The following TMA16 variants were observed in gnomAD, a reference collection of about 807,000 sequenced individuals.
The protein encoded by TMA16 is translation machinery-associated protein 16.
In TMA16, 26 loss-of-function variants were observed where a neutral mutation model predicts 27.1. That is an observed-to-expected ratio of 0.96 (90% confidence interval 0.70 to 1.33). TMA16 has a LOEUF of 1.33. Among genes scored for constraint, TMA16 ranks in the 40% most tolerant of loss-of-function variants. The pLI is 0.00. For synonymous variants in TMA16, 71 were observed against 81.9 expected, an observed-to-expected ratio of 0.87 and a Z score of 0.72; for missense variants, 233 against 241.4, an observed-to-expected ratio of 0.97 and a Z score of 0.23.
At chr4:163,514,667 A>G (rs2110810643) in intron 4 of TMA16, among the ~76,000 whole-genome samples, 1 of 152,296 alleles carries the variant, frequency 6.6e-6, no homozygotes, top group East Asian at 1.9e-4. Context: ...TTTTACAGCA[A>G]GCAACTGAAA....
intron 1 of TMA16, among the ~76,000 whole-genome samples, chr4:163,498,742 C>T (rs1394545474): frequency 6.6e-6 from 1 of 152,170 alleles, no homozygotes; most frequent in Non-Finnish European, 1.5e-5. Context: ...ATAGCTAGCT[C>T]GCTGCAGCCT....
Position 163,519,797 on chromosome 4 carries a change from A to AT in TMA16, c.*284dup, listed in dbSNP as rs1737942305. The stretch of plus-strand genomic sequence containing the variant: ...GGAGCAATATAACTAAGGACAAAAA[A>AT]TGTTTTGTTTTTCTTGTGTATTTAT... On this transcript the variant is annotated 3_prime_UTR_variant, in exon 7 of 7. Transcript: ENST00000358572. 1 of 496,394 alleles carries AT rather than the reference A, an allele frequency of 2.0e-6. No individual in the cohort carries two copies. Among genetic ancestry groups the AT allele is most frequent in the East Asian group, 3.7e-5 (1 of 27,168 alleles). The allele number at this position is 496,394 out of a possible 1,614,324, so 30.7% of individuals were successfully genotyped here. A position where few individuals can be genotyped will look rare whatever the true frequency, so the allele number is the denominator to read the frequency against.
chr4:163,499,131 T>G (rs995630356), intron 1 of TMA16, among the ~76,000 whole-genome samples: 1 of 152,226 alleles, frequency 6.6e-6, no homozygotes, highest in African/African-American at 2.4e-5. Flanking sequence ...TTTTTAAAGT[T>G]TTTCCAGCTT....
At chr4:163,503,030 T>G (rs1349507627) in intron 1 of TMA16, among the ~76,000 whole-genome samples, 1 of 152,188 alleles carries the variant, frequency 6.6e-6, no homozygotes, top group Non-Finnish European at 1.5e-5. Context: ...TACTTACCTT[T>G]GTGTTACAGT....
rs1201243559 is a variant in TMA16, at chr4:163,519,713, A to T, written c.*199A>T. 4 of 579,928 alleles carry T rather than the reference A, an allele frequency of 6.9e-6. No individual in the cohort carries two copies. Among genetic ancestry groups the T allele is most frequent in the African/African-American group, 5.9e-5 (3 of 50,800 alleles). 35.9% of individuals were successfully genotyped at this position (579,928 alleles called of 1,614,324 possible). A position where few individuals can be genotyped will look rare whatever the true frequency, so the allele number is the denominator to read the frequency against. ...CTTTTCATTTCCATTAAGTTGCTAA[A>T]ATAGATAGATGTGATCTGCAGAAGT... On this transcript the variant is annotated 3_prime_UTR_variant, in exon 7 of 7. Transcript: ENST00000358572.
chr4:163,507,084 C>T lies in TMA16; in HGVS notation c.55C>T (p.Pro19Ser). The change falls in exon 2 of 7, where the codon CCA becomes TCA. Residue 19 changes from proline to serine, a missense_variant. Pro to Ser is a moderately conservative substitution (Grantham distance 74). Coordinates refer to ENST00000358572, the MANE Select transcript of TMA16 (RefSeq NM_018352.3). The part of the protein sequence containing the change: ...SAGREKKVIH[P>S]YSRKAAQITR... ...AGGACGGGAAAAAAAAGTCATCCAT[C>T]CATATAGTAGAAAAGCAGCTCAAAT... The T allele has an allele frequency of 6.3e-7, 1 of 1,595,952 alleles. No homozygotes were observed. Among genetic ancestry groups the T allele is most frequent in the Non-Finnish European group, 8.5e-7 (1 of 1,170,346 alleles).
chr4:163,520,277 A>G lies in TMA16; in HGVS notation c.*763A>G, dbSNP rs1737951779. On this transcript the variant is annotated 3_prime_UTR_variant, in exon 7 of 7. Coordinates refer to ENST00000358572, the MANE Select transcript of TMA16 (RefSeq NM_018352.3). ...ATTATGCTACTTTTTCTTCTAAGAG[A>G]TAAATTGATATATCATTCAGTGTCA... The G allele has an allele frequency of 4.7e-6, 1 of 212,630 alleles. No homozygotes were observed. Among genetic ancestry groups the G allele is most frequent in the Non-Finnish European group, 9.2e-6 (1 of 108,914 alleles). The allele number at this position is 212,630 out of a possible 1,614,324, so 13.2% of individuals were successfully genotyped here. A position where few individuals can be genotyped will look rare whatever the true frequency, so the allele number is the denominator to read the frequency against.
In TMA16 at chr4:163,494,856, C is replaced by G. The variant is rs116596859; in HGVS notation, c.3+52C>G. 4,291 of 1,608,066 alleles carry G rather than the reference C, an allele frequency of 2.7e-3. 91 individuals carry two copies. In the African/African-American group the frequency reaches 0.047, roughly 18 times the overall value. On this transcript the variant is annotated intron_variant, in intron 1 of 6. Coordinates refer to ENST00000358572, the MANE Select transcript of TMA16 (RefSeq NM_018352.3). The stretch of plus-strand genomic sequence containing the variant: ...CGCTCGGTTGGTTCCCCGGAAGGCT[C>G]TTGTTGAGCAGGCAGAGAGGGAGGG...
At chr4:163,512,058 C>G (rs1737807664) in intron 2 of TMA16, among the ~76,000 whole-genome samples, 1 of 150,862 alleles carries the variant, frequency 6.6e-6, no homozygotes, top group Non-Finnish European at 1.5e-5. Flanking sequence ...ATGTTCAGGT[C>G]TCAGCTTAAA....
intron 2 of TMA16, among the ~76,000 whole-genome samples, chr4:163,512,152 C>T (rs1482922913): frequency 6.6e-6 from 1 of 151,994 alleles, no homozygotes; most frequent in African/African-American, 2.4e-5. Context: ...CTGTATGCTT[C>T]TCCATGTTTT....
intron 1 of TMA16, among the ~76,000 whole-genome samples, chr4:163,504,141 A>G (rs964352622): frequency 5.3e-5 from 8 of 152,202 alleles, no homozygotes; most frequent in African/African-American, 1.9e-4. Flanking sequence ...CTTCATGGCT[A>G]TGCATTTTCA....
chr4:163,507,715 G>T (rs188175812), intron 2 of TMA16, among the ~76,000 whole-genome samples: 1 of 152,028 alleles, frequency 6.6e-6, no homozygotes, highest in Non-Finnish European at 1.5e-5. Context: ...GAGTTCAGTG[G>T]CCCTCTACCA....
intron 2 of TMA16, among the ~76,000 whole-genome samples, chr4:163,510,505 C>T (rs145836765): frequency 6.6e-6 from 1 of 152,234 alleles, no homozygotes; most frequent in Non-Finnish European, 1.5e-5. Flanking sequence ...TTTGTGCCAG[C>T]GTCTTTCACG....
Position 163,519,583 on chromosome 4 carries a change from A to C in TMA16, c.*69A>C. The C allele has an allele frequency of 1.4e-6, 2 of 1,411,836 alleles. No homozygotes were observed. Among genetic ancestry groups the C allele is most frequent in the South Asian group, 2.9e-5 (2 of 68,476 alleles). 87.5% of individuals were successfully genotyped at this position (1,411,836 alleles called of 1,614,324 possible). ...ATTATATTCATTGATTATGGTACCTAATTGTCATGATACAAAAATTTGATA... is the reference window on the plus strand; with the variant it reads ...ATTATATTCATTGATTATGGTACCTCATTGTCATGATACAAAAATTTGATA... On this transcript the variant is annotated 3_prime_UTR_variant, in exon 7 of 7. Coordinates refer to ENST00000358572, the MANE Select transcript of TMA16 (RefSeq NM_018352.3).
At chr4:163,507,205 CTTTCAA>C in intron 2 of TMA16, 60 bp downstream of exon 2, 1 of 1,378,740 alleles carries the variant, frequency 7.3e-7, no homozygotes. Context: ...ATACTTTTAT[CTTTCAA>C]ACATATATCC....
At chr4:163,516,427 T>A (rs1030584620) in intron 5 of TMA16, among the ~76,000 whole-genome samples, 1 of 152,252 alleles carries the variant, frequency 6.6e-6, no homozygotes, top group Non-Finnish European at 1.5e-5. Flanking sequence ...TTGTGCTTAT[T>A]TATACTTTTT....
intron 1 of TMA16, among the ~76,000 whole-genome samples, chr4:163,497,204 C>T (rs7657886): frequency 0.43 from 65,106 of 152,026 alleles, 14,687 homozygotes; most frequent in Admixed American, 0.55. Flanking sequence ...AAATGTGAGC[C>T]ACAACAACAA....
intron 1 of TMA16, among the ~76,000 whole-genome samples, chr4:163,497,266 G>A (rs537167731): frequency 6.6e-6 from 1 of 152,268 alleles, no homozygotes; most frequent in South Asian, 2.1e-4. Context: ...ACTTGCTCCT[G>A]AAAGTTAGTA....
chr4:163,516,801 T>A (rs1010657942), intron 5 of TMA16, among the ~76,000 whole-genome samples: 2 of 152,224 alleles, frequency 1.3e-5, no homozygotes, highest in Non-Finnish European at 2.9e-5. Flanking sequence ...GTGATTTTTT[T>A]AAACATTAAT....
Sources: gnomAD v4.1 joint callset for allele counts (sites outside exome capture counted in the v4.1 genomes callset) on GRCh38, gnomAD v4.1.1 for gene constraint, MANE v1.5 for transcripts, NCBI Gene and HGNC (gene_info 2026-07-23, HGNC 2026-07-21) for gene names.